The following NBEA variants were observed in gnomAD, a reference collection of about 807,000 sequenced individuals.
NBEA encodes neurobeachin.
In NBEA, 44 loss-of-function variants were observed where a neutral mutation model predicts 343.4. The observed-to-expected ratio is 0.13, with a 90% confidence interval of 0.10 to 0.16. The LOEUF (loss-of-function observed/expected upper bound fraction) is 0.16. NBEA is among the 10% of genes least tolerant of loss of function. The pLI, the probability that NBEA is intolerant of heterozygous loss-of-function variation, is 1.00. For missense variants in NBEA, 2,555 were observed against 3,631.3 expected, an observed-to-expected ratio of 0.70 and a Z score of 7.62; for synonymous variants, 1,175 against 1,238.7, an observed-to-expected ratio of 0.95 and a Z score of 1.08.
chr13:35,075,198 G>T (rs1352655884), intron 10 of NBEA, among the ~76,000 whole-genome samples: 1 of 152,022 alleles, frequency 6.6e-6, no homozygotes, highest in Non-Finnish European at 1.5e-5. Flanking sequence ...AATCACTTTT[G>T]CCAGCTGTGG....
intron 38 of NBEA, among the ~76,000 whole-genome samples, chr13:35,421,108 A>G (rs1176083066): frequency 4.0e-5 from 6 of 151,820 alleles, no homozygotes; most frequent in Admixed American, 3.9e-4. Context: ...CTTTTCTAAT[A>G]TATGCATTTA....
At chr13:35,486,662 C>A (rs1025451670) in intron 41 of NBEA, among the ~76,000 whole-genome samples, 1 of 151,942 alleles carries the variant, frequency 6.6e-6, no homozygotes, top group Non-Finnish European at 1.5e-5. Context: ...CTACATATGT[C>A]CATAGCCAGA....
chr13:35,502,194 A>G (rs2076915857), intron 41 of NBEA, among the ~76,000 whole-genome samples: 1 of 152,132 alleles, frequency 6.6e-6, no homozygotes, highest in African/African-American at 2.4e-5. Flanking sequence ...AGTTTTCCTA[A>G]GCAAGTGACC....
intron 35 of NBEA, among the ~76,000 whole-genome samples, chr13:35,297,929 C>T (rs537443701): frequency 3.3e-5 from 5 of 151,652 alleles, no homozygotes; most frequent in African/African-American, 1.2e-4. Context: ...ATGTAACCAT[C>T]AACACTACAA....
chr13:35,196,451 T>C (rs925998478), intron 31 of NBEA, 149 bp downstream of exon 31: 60 of 753,350 alleles, frequency 8.0e-5, no homozygotes, highest in Non-Finnish European at 1.1e-4. Flanking sequence ...AACCTAATCT[T>C]ATAATAAGAC....
At chr13:35,375,825 C>T (rs566641528) in intron 38 of NBEA, among the ~76,000 whole-genome samples, 3 of 152,150 alleles carry the variant, frequency 2.0e-5, no homozygotes, top group South Asian at 4.2e-4. Context: ...AAACATTAGA[C>T]GTAATTTCTC....
chr13:35,437,300 G>A (rs907789044), intron 39 of NBEA, among the ~76,000 whole-genome samples: 4 of 152,050 alleles, frequency 2.6e-5, no homozygotes, highest in South Asian at 2.1e-4. Context: ...TCTTTTAAAT[G>A]AGCAAACAAT....
At chr13:35,085,016 T>C (rs1489665244) in intron 10 of NBEA, among the ~76,000 whole-genome samples, 1 of 152,034 alleles carries the variant, frequency 6.6e-6, no homozygotes, top group Admixed American at 6.6e-5. Context: ...ACATACACCC[T>C]CCCAAGACTA....
At chr13:35,105,563 TG>T (rs1427132423) in intron 11 of NBEA, among the ~76,000 whole-genome samples, 1 of 152,064 alleles carries the variant, frequency 6.6e-6, no homozygotes, top group Admixed American at 6.6e-5. Context: ...TGTCAATTAC[TG>T]AGCAAGATTC....
chr13:35,329,314 A>G (rs2038782379), intron 36 of NBEA, among the ~76,000 whole-genome samples: 1 of 151,932 alleles, frequency 6.6e-6, no homozygotes, highest in Admixed American at 6.6e-5. Flanking sequence ...TATTTTTACC[A>G]TATGTCCTAA....
At chr13:35,430,812 GGACA>G (rs2045057375) in intron 38 of NBEA, among the ~76,000 whole-genome samples, 3 of 151,900 alleles carry the variant, frequency 2.0e-5, no homozygotes, top group Non-Finnish European at 4.4e-5. Context: ...GTATTTGTAA[GGACA>G]GAAATCATCC....
intron 36 of NBEA, among the ~76,000 whole-genome samples, chr13:35,316,558 G>A (rs1398476069): frequency 6.6e-6 from 1 of 152,134 alleles, no homozygotes; most frequent in East Asian, 1.9e-4. Flanking sequence ...CAACAGTGCT[G>A]CAGTAAACAT....
intron 49 of NBEA, among the ~76,000 whole-genome samples, chr13:35,640,061 G>C (rs74042810): frequency 0.018 from 2,757 of 151,370 alleles, 86 homozygotes; most frequent in African/African-American, 0.062. Flanking sequence ...GAAAGTTTTT[G>C]CCTACCACAC....
intron 48 of NBEA, among the ~76,000 whole-genome samples, chr13:35,619,606 T>C (rs1226684465): frequency 6.6e-6 from 1 of 152,106 alleles, no homozygotes; most frequent in Non-Finnish European, 1.5e-5. Flanking sequence ...CAGAGGGGGC[T>C]CAGATATTCT....
At chr13:35,656,005 CCAA>C (rs1390659752) in intron 55 of NBEA, among the ~76,000 whole-genome samples, 1 of 152,162 alleles carries the variant, frequency 6.6e-6, no homozygotes, top group African/African-American at 2.4e-5. Context: ...AGCCCAGTCA[CCAA>C]ATGTCCCCAT....
chr13:35,099,010 A>G (rs1046673245), intron 11 of NBEA, among the ~76,000 whole-genome samples: 1 of 146,832 alleles, frequency 6.8e-6, no homozygotes, highest in African/African-American at 2.5e-5. Context: ...TTTCTTTGCT[A>G]TCTTTTCACT....
chr13:35,567,433 C>T (rs900536563), intron 45 of NBEA, among the ~76,000 whole-genome samples: 2 of 152,048 alleles, frequency 1.3e-5, no homozygotes, highest in African/African-American at 4.8e-5. Context: ...GTTAATTTTA[C>T]CAAGTGTCTG....
At chr13:35,315,251 A>G (rs1319725012) in intron 36 of NBEA, among the ~76,000 whole-genome samples, 1 of 152,202 alleles carries the variant, frequency 6.6e-6, no homozygotes, top group African/African-American at 2.4e-5. Context: ...AATACAATTC[A>G]TCAATCATAG....
At chr13:35,458,433 T>C (rs1215989503) in intron 40 of NBEA, among the ~76,000 whole-genome samples, 2 of 152,204 alleles carry the variant, frequency 1.3e-5, no homozygotes, top group African/African-American at 4.8e-5. Context: ...CCCTCAAAGG[T>C]TCCCACTTAA....
Sources: allele counts gnomAD v4.1 joint callset (sites outside exome capture counted in the v4.1 genomes callset), GRCh38; gene constraint gnomAD v4.1.1; transcripts MANE v1.5; gene names NCBI Gene and HGNC (gene_info 2026-07-23, HGNC 2026-07-21).